ADCY5: variants seen among roughly 807,000 people sequenced by gnomAD.
ADCY5 encodes adenylate cyclase type 5.
ADCY5 carries 30 observed loss-of-function variants against 119.7 expected under a neutral mutation model. That is an observed-to-expected ratio of 0.25 (90% CI 0.19 to 0.34). The LOEUF is 0.34. ADCY5 is among the 10% of genes least tolerant of loss of function. The pLI is 1.00. For missense variants in ADCY5, 1,324 were observed against 1,775.2 expected, an observed-to-expected ratio of 0.75 and a Z score of 4.57; for synonymous variants, 753 against 762.2, an observed-to-expected ratio of 0.99 and a Z score of 0.20.
intron 1 of ADCY5, among the ~76,000 whole-genome samples, chr3:123,397,843 C>A (rs1944645466): frequency 6.6e-6 from 1 of 152,100 alleles, no homozygotes; most frequent in African/African-American, 2.4e-5. Context: ...TGGCTCAAAC[C>A]CTGGCTGGAC....
intron 1 of ADCY5, among the ~76,000 whole-genome samples, chr3:123,400,021 G>C (rs750282507): frequency 6.6e-6 from 1 of 152,210 alleles, no homozygotes; most frequent in African/African-American, 2.4e-5. Flanking sequence ...TAAGCACAAT[G>C]AACATGGGTT....
chr3:123,378,171 A>G (rs888453474), intron 1 of ADCY5, among the ~76,000 whole-genome samples: 2 of 151,990 alleles, frequency 1.3e-5, no homozygotes, highest in Non-Finnish European at 2.9e-5. Context: ...ATCAGCACCC[A>G]CGTGGTCACT....
At chr3:123,310,678 CG>C (rs1940517819) in intron 12 of ADCY5, among the ~76,000 whole-genome samples, 1 of 152,184 alleles carries the variant, frequency 6.6e-6, no homozygotes, top group African/African-American at 2.4e-5. Flanking sequence ...AGGTTGGGTT[CG>C]TGCAGATGTG....
At chr3:123,406,568 G>T (rs1013719413) in intron 1 of ADCY5, among the ~76,000 whole-genome samples, 1 of 152,212 alleles carries the variant, frequency 6.6e-6, no homozygotes, top group East Asian at 1.9e-4. Flanking sequence ...ATTTCAGTTG[G>T]AGAGAGTGAA....
At position 123,327,115 on chromosome 3, in the gene ADCY5, T is replaced by C. The variant is rs184894828; in HGVS notation, c.1947+503A>G. On this transcript the variant is annotated intron_variant, in intron 7 of 20. Transcript: ENST00000462833. ...AGAACACTGAAGTCTGCTAATAATT[T>C]AGCTTTATATTTCAGCAAGTGTGGG... 3.3e-5 allele frequency among the ~76,000 whole-genome samples: 5 copies of C among 152,306 alleles called. No individual in the cohort carries two copies. In the East Asian group the frequency reaches 7.7e-4, roughly 23 times the overall value.
intron 3 of ADCY5, among the ~76,000 whole-genome samples, chr3:123,336,301 T>C (rs1202929220): frequency 6.6e-6 from 1 of 152,162 alleles, no homozygotes. Context: ...AAGCACCCAC[T>C]CCATAGTTGT....
At chr3:123,358,172 G>GT (rs1298719745) in intron 1 of ADCY5, among the ~76,000 whole-genome samples, 5 of 56,438 alleles carry the variant, frequency 8.9e-5, no homozygotes, top group African/African-American at 2.5e-4. Context: ...GTGTGTGTGT[G>GT]TGTGTGTGTG....
intron 1 of ADCY5, among the ~76,000 whole-genome samples, chr3:123,414,394 A>G (rs535456132): frequency 1.3e-5 from 2 of 152,298 alleles, no homozygotes; most frequent in African/African-American, 4.8e-5. Flanking sequence ...TGACACTCCA[A>G]CAAGCTAACA....
At chr3:123,446,478 A>G (rs923689886) in intron 1 of ADCY5, among the ~76,000 whole-genome samples, 6 of 152,198 alleles carry the variant, frequency 3.9e-5, no homozygotes, top group Non-Finnish European at 7.3e-5. Flanking sequence ...ATCATGGATG[A>G]GGACCAGGAA....
intron 17 of ADCY5, among the ~76,000 whole-genome samples, chr3:123,294,127 T>C (rs1939346372): frequency 1.3e-5 from 2 of 152,184 alleles, no homozygotes; most frequent in African/African-American, 4.8e-5. Flanking sequence ...CATGGGAATC[T>C]GCGAGTCCAG....
Position 123,283,823 on chromosome 3 carries a change from TAAAA to T in ADCY5, c.*781_*784del, listed in dbSNP as rs975229029. 34 of 152,082 alleles carry T rather than the reference TAAAA, an allele frequency of 2.2e-4. No individual in the cohort carries two copies. The highest frequency in any genetic ancestry group is 7.7e-4 in the African/African-American group (32 of 41,392). The allele number at this position is 152,082 out of a possible 1,614,324, so 9.4% of individuals were successfully genotyped here. A position where few individuals can be genotyped will look rare whatever the true frequency, so the allele number is the denominator to read the frequency against. On this transcript the variant is annotated 3_prime_UTR_variant, in exon 21 of 21. Transcript: ENST00000462833. ...CTCCAAGGCTTTCAATAATACAAAA[TAAAA>T]AATACAAAAAAGACAAGTGGGGATC...
At chr3:123,373,166 G>A (rs1943694424) in intron 1 of ADCY5, among the ~76,000 whole-genome samples, 1 of 152,204 alleles carries the variant, frequency 6.6e-6, no homozygotes, top group Admixed American at 6.5e-5. Flanking sequence ...ATAAATGTTC[G>A]AGTAGGAACA....
intron 1 of ADCY5, among the ~76,000 whole-genome samples, chr3:123,369,989 G>A (rs1296679113): frequency 6.6e-6 from 1 of 152,202 alleles, no homozygotes; most frequent in Non-Finnish European, 1.5e-5. Flanking sequence ...GCCACGGGAA[G>A]CACTGACTGC....
rs1939575832 is a variant in ADCY5 at position 123,297,269 on chromosome 3, C to T, written c.2930+84G>A. On this transcript the variant is annotated intron_variant, in intron 16 of 20. Transcript: ENST00000462833. ...CACTACCCACCTTGCCACCAAGGCC[C>T]CTCCCACCTGGGCACCAGCTGCCCT... The T allele has an allele frequency of 2.6e-6, 4 of 1,553,822 alleles. No homozygotes were observed. In the East Asian group the frequency reaches 9.0e-5, roughly 35 times the overall value.
At position 123,315,031 on chromosome 3, in the gene ADCY5, C is replaced by T. The variant is rs186586269; in HGVS notation, c.2355-709G>A. Among the ~76,000 whole-genome samples, 76 of 152,322 alleles carry T rather than the reference C, an allele frequency of 5.0e-4. 1 individual carries two copies. The highest frequency in any genetic ancestry group is 7.2e-4 in the Admixed American group (11 of 15,300). Reference sequence around the variant, plus strand: ...CCTTCACAGCCACCACGGGTGGCCACCCTCAGACAAAAGAGCTGTAAGTGA... The same window carrying T: ...CCTTCACAGCCACCACGGGTGGCCATCCTCAGACAAAAGAGCTGTAAGTGA... On this transcript the variant is annotated intron_variant, in intron 11 of 20. Coordinates refer to ENST00000462833, the MANE Select transcript of ADCY5 (RefSeq NM_183357.3).
chr3:123,387,535 C>A (rs535597269), intron 1 of ADCY5, among the ~76,000 whole-genome samples: 9 of 152,180 alleles, frequency 5.9e-5, no homozygotes, highest in Non-Finnish European at 8.8e-5. Flanking sequence ...ACAACAACAA[C>A]AAAAAATACA....
chr3:123,386,456 C>T (rs1309793203), intron 1 of ADCY5, among the ~76,000 whole-genome samples: 3 of 152,236 alleles, frequency 2.0e-5, no homozygotes, highest in Non-Finnish European at 4.4e-5. Context: ...ACTGGGGTGC[C>T]CCCAGAACTG....
chr3:123,314,095 G>A (rs1208154473), intron 12 of ADCY5, 140 bp downstream of exon 12: 3 of 643,016 alleles, frequency 4.7e-6, no homozygotes, highest in Non-Finnish European at 8.3e-6. Context: ...TTGGAGAGGT[G>A]TGGCTGGCAT....
At chr3:123,345,385 T>G (rs1292726974) in intron 3 of ADCY5, among the ~76,000 whole-genome samples, 1 of 152,250 alleles carries the variant, frequency 6.6e-6, no homozygotes. Context: ...TTTTCTGGAT[T>G]TCCTTTGTGT....
Sources: gnomAD v4.1 joint callset for allele counts (sites outside exome capture counted in the v4.1 genomes callset) on GRCh38, gnomAD v4.1.1 for gene constraint, MANE v1.5 for transcripts, NCBI Gene and HGNC (gene_info 2026-07-23, HGNC 2026-07-21) for gene names.